SCFD2: variants seen among roughly 807,000 people sequenced by gnomAD.
SCFD2 encodes the protein sec1 family domain-containing protein 2.
Under a neutral mutation model 58.9 loss-of-function variants are expected in SCFD2, and 54 were observed. That is an observed-to-expected ratio of 0.92 (90% CI 0.74 to 1.15). The LOEUF is 1.15. Among genes scored for constraint, SCFD2 ranks in the 50% most tolerant of loss-of-function variants. SCFD2 has a pLI of 0.00. For missense variants in SCFD2, 805 were observed against 836.6 expected, an observed-to-expected ratio of 0.96 and a Z score of 0.47; for synonymous variants, 321 against 335.9, an observed-to-expected ratio of 0.96 and a Z score of 0.49.
chr4:52,875,306 T>A (rs1314711706), intron 8 of SCFD2, among the ~76,000 whole-genome samples: 1 of 152,140 alleles, frequency 6.6e-6, no homozygotes, highest in African/African-American at 2.4e-5. Context: ...TCTGCAAAGG[T>A]GGGAGAGCCT....
intron 3 of SCFD2, among the ~76,000 whole-genome samples, chr4:53,300,555 A>G (rs1030045692): frequency 6.6e-6 from 1 of 152,196 alleles, no homozygotes; most frequent in African/African-American, 2.4e-5. Context: ...AAGAAAGTTA[A>G]CAAGGATACC....
intron 2 of SCFD2, among the ~76,000 whole-genome samples, chr4:53,348,732 T>C (rs1734131061): frequency 6.6e-6 from 1 of 151,538 alleles, no homozygotes; most frequent in South Asian, 2.1e-4. Context: ...TTTTTTTTTT[T>C]GAGACAGGGT....
At chr4:53,298,166 C>T (rs958787474) in intron 3 of SCFD2, among the ~76,000 whole-genome samples, 20 of 152,102 alleles carry the variant, frequency 1.3e-4, no homozygotes, top group African/African-American at 2.7e-4. Context: ...ACCCGGGAAG[C>T]GCAAGGGGTC....
At chr4:53,216,146 T>C (rs1334072701) in intron 4 of SCFD2, among the ~76,000 whole-genome samples, 1 of 152,254 alleles carries the variant, frequency 6.6e-6, no homozygotes, top group African/African-American at 2.4e-5. Flanking sequence ...GGTGTCAGGA[T>C]GATGCTGGCC....
chr4:53,335,117 A>G (rs1326874453), intron 2 of SCFD2, among the ~76,000 whole-genome samples: 1 of 143,008 alleles, frequency 7.0e-6, no homozygotes, highest in Non-Finnish European at 1.5e-5. Context: ...AATTGCTGAA[A>G]CCCAGGAGGC....
At chr4:53,269,090 C>T (rs1250643361) in intron 4 of SCFD2, among the ~76,000 whole-genome samples, 7 of 151,950 alleles carry the variant, frequency 4.6e-5, no homozygotes, top group African/African-American at 7.3e-5. Context: ...TAGGCCAAGG[C>T]GGGAGGATCA....
intron 2 of SCFD2, among the ~76,000 whole-genome samples, chr4:53,340,847 C>A (rs1167420562): frequency 2.6e-5 from 4 of 152,208 alleles, no homozygotes; most frequent in Non-Finnish European, 2.9e-5. Flanking sequence ...CCCAGGCAAA[C>A]AGGGTCTGGA....
At chr4:53,149,573 C>T (rs577533542) in intron 4 of SCFD2, among the ~76,000 whole-genome samples, 2 of 152,292 alleles carry the variant, frequency 1.3e-5, no homozygotes, top group Non-Finnish European at 2.9e-5. Flanking sequence ...GCACTTAATT[C>T]TCCCTATCCC....
chr4:53,236,817 TTTATTTATTTA>T lies in SCFD2; in HGVS notation c.1311+36998_1311+37008del, dbSNP rs1560402025. ...CTACTTAAAGTCACTGTTTTATTTATTTATTTATTTATTTATTTATTTATTTATTTATTTAT... is the reference window on the plus strand; with the variant it reads ...CTACTTAAAGTCACTGTTTTATTTATTTTATTTATTTATTTATTTATTTAT... On this transcript the variant is annotated intron_variant, in intron 4 of 8. Coordinates refer to ENST00000401642, the MANE Select transcript of SCFD2 (RefSeq NM_152540.4). 9.9e-3 allele frequency among the ~76,000 whole-genome samples: 1,048 copies of T among 105,756 alleles called. 40 individuals carry two copies. Among genetic ancestry groups the T allele is most frequent in the Admixed American group, 0.082 (932 of 11,352 alleles). 69.4% of individuals were successfully genotyped at this position (105,756 alleles called of 152,430 possible).
intron 5 of SCFD2, among the ~76,000 whole-genome samples, chr4:53,112,814 G>A (rs1725210396): frequency 6.6e-6 from 1 of 151,976 alleles, no homozygotes; most frequent in Admixed American, 6.6e-5. Flanking sequence ...CTCAACTGTT[G>A]ATGCCTAAAT....
At chr4:53,097,746 T>C (rs369121378) in intron 5 of SCFD2, among the ~76,000 whole-genome samples, 7 of 152,170 alleles carry the variant, frequency 4.6e-5, no homozygotes, top group South Asian at 2.1e-4. Context: ...GAACTTCCAA[T>C]ACTATGTTGA....
chr4:53,248,526 T>C (rs543413819), intron 4 of SCFD2, among the ~76,000 whole-genome samples: 2 of 152,336 alleles, frequency 1.3e-5, no homozygotes, highest in African/African-American at 4.8e-5. Flanking sequence ...TGTCCCTGTC[T>C]GACAGCTTTG....
intron 5 of SCFD2, among the ~76,000 whole-genome samples, chr4:53,114,682 G>T (rs1347762430): frequency 6.6e-6 from 1 of 152,120 alleles, no homozygotes; most frequent in Non-Finnish European, 1.5e-5. Flanking sequence ...TAAGAGAATT[G>T]CTTCAGGAAG....
intron 5 of SCFD2, among the ~76,000 whole-genome samples, chr4:53,040,078 G>A (rs1577678278): frequency 6.6e-6 from 1 of 152,236 alleles, no homozygotes; most frequent in South Asian, 2.1e-4. Context: ...CATCAGCATT[G>A]AGCATAGTAC....
At chr4:53,331,697 A>C (rs556225336) in intron 2 of SCFD2, among the ~76,000 whole-genome samples, 1 of 152,302 alleles carries the variant, frequency 6.6e-6, no homozygotes, top group Admixed American at 6.5e-5. Flanking sequence ...CTAGAGAAGC[A>C]AGAGCAAACA....
intron 4 of SCFD2, among the ~76,000 whole-genome samples, chr4:53,218,923 G>A (rs1577856796): frequency 6.6e-6 from 1 of 152,168 alleles, no homozygotes; most frequent in African/African-American, 2.4e-5. Flanking sequence ...TGTTTGCCTG[G>A]GTATCAGCAG....
intron 5 of SCFD2, among the ~76,000 whole-genome samples, chr4:52,924,743 G>C (rs1023782968): frequency 6.6e-6 from 1 of 152,042 alleles, no homozygotes; most frequent in African/African-American, 2.4e-5. Flanking sequence ...ACACCCTTTA[G>C]AAATATGGAT....
intron 3 of SCFD2, among the ~76,000 whole-genome samples, chr4:53,296,867 C>A (rs187668468): frequency 1.8e-4 from 27 of 152,278 alleles, no homozygotes; most frequent in Admixed American, 1.0e-3. Context: ...CAAAGAACAT[C>A]TTTATTTCCG....
chr4:53,127,407 C>T (rs571338416), intron 5 of SCFD2, among the ~76,000 whole-genome samples: 48 of 152,198 alleles, frequency 3.2e-4, no homozygotes, highest in Admixed American at 1.8e-3. Context: ...CTTCTATGTG[C>T]GCACCCCCCA....
Sources: allele counts gnomAD v4.1 joint callset (sites outside exome capture counted in the v4.1 genomes callset), GRCh38; gene constraint gnomAD v4.1.1; transcripts MANE v1.5; gene names NCBI Gene and HGNC (gene_info 2026-07-23, HGNC 2026-07-21).